The following RNF213 variants were observed in gnomAD, a reference collection of about 807,000 sequenced individuals.
RNF213 encodes the protein E3 ubiquitin-protein ligase RNF213.
Under a neutral mutation model 514.4 loss-of-function variants are expected in RNF213, and 341 were observed. That is an observed-to-expected ratio of 0.66 (90% CI 0.61 to 0.73). The LOEUF is 0.73. Ranked by LOEUF, RNF213 falls within the 30% of genes least tolerant of loss-of-function variation. The probability of loss-of-function intolerance (pLI) is 0.00; values close to 1 mark genes in which losing one functional copy is unlikely to be tolerated. For missense variants in RNF213, 5,767 were observed against 6,615.6 expected (o/e 0.87, Z 4.45); for synonymous variants, 2,655 against 2,658.2 (o/e 1.00, Z 0.04).
intron 17 of RNF213, among the ~76,000 whole-genome samples, chr17:80,322,020 G>A (rs113139900): frequency 4.9e-4 from 74 of 152,146 alleles, no homozygotes; most frequent in African/African-American, 1.6e-3. Flanking sequence ...CACTGTGCCC[G>A]GCCTCATTGT....
chr17:80,373,027 C>T lies in RNF213; in HGVS notation c.12804C>T (p.Ile4268=), dbSNP rs370841241. The T allele has an allele frequency of 1.7e-4, 270 of 1,614,034 alleles. No individual in the cohort carries two copies. The Middle Eastern group carries it at 4.1e-3, about 25-fold the overall frequency. The change falls in exon 49 of 68, where the codon ATC becomes ATT. Residue 4268 remains isoleucine (I), a synonymous_variant. Transcript: ENST00000582970. ...CYLQQVKQFC[I]RVENDWHRVY... ...TGCAGCAAGTCAAGCAGTTCTGTAT[C>T]CGGGTGGAGAACGACTGGCACCGGG...
At chr17:80,289,533 T>A in intron 5 of RNF213, 126 bp from the exon 6 acceptor site, 1 of 1,001,728 alleles carries the variant, frequency 1.0e-6, no homozygotes, top group Non-Finnish European at 1.5e-6. Context: ...GAGGTTGCAG[T>A]GAGCTGAGAT....
At chr17:80,282,153 G>A (rs955385325) in intron 3 of RNF213, among the ~76,000 whole-genome samples, 5 of 152,156 alleles carry the variant, frequency 3.3e-5, no homozygotes, top group South Asian at 4.1e-4. Flanking sequence ...CACTGAGGCC[G>A]GCCCCCGACA....
At chr17:80,262,168 CAGGTAGAGTGTGGAGGGG>C (rs1567983076) in intron 1 of RNF213, among the ~76,000 whole-genome samples, 1 of 151,834 alleles carries the variant, frequency 6.6e-6, no homozygotes, top group Non-Finnish European at 1.5e-5. Context: ...GTGGTTGTTT[CAGGTAGAGTGTGGAGGGG>C]AGGAGGTACG....
At chr17:80,327,333 T>C (rs560598714) in intron 18 of RNF213, among the ~76,000 whole-genome samples, 60 of 152,340 alleles carry the variant, frequency 3.9e-4, no homozygotes, top group Non-Finnish European at 7.3e-4. Flanking sequence ...CCCTGTTCTC[T>C]ACAAAAAATT....
Position 80,290,660 on chromosome 17 carries a change from C to T in RNF213, c.1203C>T (p.Phe401=), listed in dbSNP as rs1012540186. The T allele has an allele frequency of 1.9e-6, 3 of 1,614,056 alleles. No individual in the cohort carries two copies. The highest frequency in any genetic ancestry group is 2.7e-5 in the African/African-American group (2 of 74,918). The part of the protein sequence containing the change: ...FPFNPDLHKV[F]IRGGEEFGES... ...TCAATCCTGACCTCCATAAAGTCTTCATCAGAGGAGGAGAAGAATTTGGGG... is the reference window on the plus strand; with the variant it reads ...TCAATCCTGACCTCCATAAAGTCTTTATCAGAGGAGGAGAAGAATTTGGGG... Residue 401 remains phenylalanine (F), a synonymous_variant, in exon 7 of 68, where the codon TTC becomes TTT. Coordinates refer to ENST00000582970, the MANE Select transcript of RNF213 (RefSeq NM_001256071.3).
intron 30 of RNF213, 138 bp from the exon 31 acceptor site, chr17:80,350,163 T>C (rs2078455078): frequency 2.6e-6 from 2 of 762,816 alleles, no homozygotes; most frequent in Non-Finnish European, 4.5e-6. Context: ...TCCCCTGGAC[T>C]ATCTGTTCTT....
At chr17:80,390,222 G>A (rs775572753) in intron 67 of RNF213, 26 bp downstream of exon 67, 21 of 1,609,438 alleles carry the variant, frequency 1.3e-5, no homozygotes, top group South Asian at 8.8e-5. Context: ...CCTATGGGGC[G>A]GGGCAGACAC....
chr17:80,332,676 G>C, intron 21 of RNF213, 45 bp downstream of exon 21: 2 of 1,449,608 alleles, frequency 1.4e-6, no homozygotes, highest in Non-Finnish European at 1.8e-6. Flanking sequence ...GGGGCGTCCT[G>C]CCTCAGCCTC....
chr17:80,380,591 G>C (rs1357798762), intron 55 of RNF213, among the ~76,000 whole-genome samples: 2 of 152,178 alleles, frequency 1.3e-5, no homozygotes, highest in African/African-American at 4.8e-5. Context: ...CCGGGGATCA[G>C]CATCAATACC....
At position 80,289,815 on chromosome 17, in the gene RNF213, G is replaced by C; in HGVS notation, c.1090G>C (p.Asp364His). Residue 364 changes from aspartate to histidine, a missense_variant, in exon 6 of 68, where the codon GAT becomes CAT. This residue lies in a region of RNF213 where 509 missense variants were observed against 496.7 expected (regional missense o/e 1.02). Coordinates refer to ENST00000582970, the MANE Select transcript of RNF213 (RefSeq NM_001256071.3). ...NEKEQKNQEA[D>H]VQEVKASTLS... Reference sequence around the variant, plus strand: ...GAAGGAGCAAAAAAACCAGGAAGCAGATGTCCAGGAAGTGAAGGCAAGGTA... The same window carrying C: ...GAAGGAGCAAAAAAACCAGGAAGCACATGTCCAGGAAGTGAAGGCAAGGTA... The C allele has an allele frequency of 1.2e-6, 2 of 1,611,686 alleles. No individual in the cohort carries two copies. Among genetic ancestry groups the C allele is most frequent in the Non-Finnish European group, 1.7e-6 (2 of 1,179,128 alleles).
intron 50 of RNF213, 66 bp downstream of exon 50, chr17:80,374,655 G>A: frequency 6.3e-7 from 1 of 1,576,336 alleles, no homozygotes; most frequent in Non-Finnish European, 8.7e-7. Flanking sequence ...ATGTTCCCTG[G>A]TTTATGTCAA....
At chr17:80,318,824 C>T (rs1230096415) in intron 16 of RNF213, among the ~76,000 whole-genome samples, 1 of 152,332 alleles carries the variant, frequency 6.6e-6, no homozygotes, top group South Asian at 2.1e-4. Context: ...CCACCCGCCT[C>T]AGCCTCCCAA....
chr17:80,344,902 T>C lies in RNF213; in HGVS notation c.6567T>C (p.Ser2189=). The change falls in exon 29 of 68, where the codon TCT becomes TCC. Residue 2189 remains serine, a synonymous_variant. Coordinates refer to ENST00000582970, the MANE Select transcript of RNF213 (RefSeq NM_001256071.3). ...ACACGTTTCAGTATCAAGAAGGCTC[T>C]GTCGAAGGCACCCCGGAGGAATGCC... ...DLDTFQYQEG[S]VEGTPEECLQ... 1.2e-6 allele frequency: 2 copies of C among 1,614,170 alleles called. No individual in the cohort carries two copies. The highest frequency in any genetic ancestry group is 1.7e-6 in the Non-Finnish European group (2 of 1,180,016).
At chr17:80,362,376 TAA>T (rs1419398709) in intron 39 of RNF213, among the ~76,000 whole-genome samples, 9 of 152,296 alleles carry the variant, frequency 5.9e-5, no homozygotes, top group African/African-American at 1.7e-4. Context: ...GAAAATACCC[TAA>T]GTTTTAAAAA....
At position 80,346,443 on chromosome 17, in the gene RNF213, A is replaced by G. The variant is rs771001779; in HGVS notation, c.8108A>G (p.Tyr2703Cys). 9 of 1,613,692 alleles carry G rather than the reference A, an allele frequency of 5.6e-6. No homozygotes were observed. The highest frequency in any genetic ancestry group is 1.3e-5 in the African/African-American group (1 of 74,996). ...YHASLEKKDSYRKAIARFFPK... is the reference protein window; with the variant it reads ...YHASLEKKDSCRKAIARFFPK... ...GCCTCTTTAGAAAAGAAAGACTCAT[A>G]TCGGAAAGCCATCGCCAGGTTCTTT... The change falls in exon 29 of 68, where the codon TAT (tyrosine) becomes TGT (cysteine). Residue 2703 changes from tyrosine (Y) to cysteine (C), a missense_variant. Around this residue, in one of 13 missense-constraint regions of RNF213, gnomAD observed 1,377 missense variants for 1,635.2 expected, o/e 0.84. Coordinates refer to ENST00000582970, the MANE Select transcript of RNF213 (RefSeq NM_001256071.3). The surrounding 1 kb of genome is among the most constrained non-coding windows in gnomAD (Gnocchi z 8.1).
intron 17 of RNF213, chr17:80,320,100 G>A: frequency 1.3e-6 from 1 of 765,786 alleles, no homozygotes; most frequent in Non-Finnish European, 1.6e-6. Flanking sequence ...TCACAGATAT[G>A]TACAGTCATC....
intron 2 of RNF213, among the ~76,000 whole-genome samples, chr17:80,267,860 C>T (rs939133878): frequency 6.7e-6 from 1 of 149,604 alleles, no homozygotes; most frequent in Non-Finnish European, 1.5e-5. Flanking sequence ...TGGTCTGTCT[C>T]CCAGGCTGGA....
chr17:80,367,805 ACT>A lies in RNF213; in HGVS notation c.11934_11935del (p.Cys3979Ter), dbSNP rs1035110598. 6.2e-7 allele frequency: 1 copy of A among 1,614,104 alleles called. No individual in the cohort carries two copies. Among genetic ancestry groups the A allele is most frequent in the East Asian group, 2.2e-5 (1 of 44,880 alleles). ...CGGGCCTTTTGAGGCCGTGATGCGC[ACT>A]CTCTGTGAATGCAAGGAGACAGCCA... Reference protein sequence around the residue: ...THGPFEAVMRTLCECKETASK... With the variant: ...THGPFEAVMRXLCECKETASK... On this transcript the variant is annotated frameshift_variant, in exon 43 of 68. Transcript: ENST00000582970. LOFTEE classifies it high-confidence loss of function.
Sources: allele counts gnomAD v4.1 joint callset (sites outside exome capture counted in the v4.1 genomes callset), GRCh38; gene constraint gnomAD v4.1.1; regional missense constraint gnomAD v4.1.1; non-coding constraint Gnocchi (gnomAD v3.1); transcripts MANE v1.5; gene names NCBI Gene and HGNC (gene_info 2026-07-23, HGNC 2026-07-21).